Variants in MPPED1 observed in about 807,000 individuals in gnomAD.
MPPED1 encodes the protein metallophosphoesterase domain-containing protein 1.
MPPED1 carries 16 observed loss-of-function variants against 36.2 expected under a neutral mutation model. The observed-to-expected ratio is 0.44, with a 90% CI of 0.30 to 0.67. MPPED1 has a LOEUF of 0.67. Among genes scored for constraint, MPPED1 ranks in the 30% least tolerant of loss-of-function variants. The pLI, the probability that MPPED1 is intolerant of heterozygous loss-of-function variation, is 0.10. For missense variants in MPPED1, 307 were observed against 453.4 expected, an observed-to-expected ratio of 0.68 and a Z score of 2.93; for synonymous variants, 199 against 191.3, an observed-to-expected ratio of 1.04 and a Z score of -0.33.
At chr22:43,452,551 G>C (rs949197649) in intron 3 of MPPED1, among the ~76,000 whole-genome samples, 1 of 152,164 alleles carries the variant, frequency 6.6e-6, no homozygotes, top group Non-Finnish European at 1.5e-5. Flanking sequence ...ATAAACAGAG[G>C]GGGGAAGATG....
chr22:43,441,787 GA>G (rs1930157388), intron 3 of MPPED1, among the ~76,000 whole-genome samples: 1 of 152,208 alleles, frequency 6.6e-6, no homozygotes, highest in African/African-American at 2.4e-5. Flanking sequence ...GGGAAATGGA[GA>G]ATTTACGTCA....
intron 1 of MPPED1, chr22:43,418,488 G>T: frequency 4.0e-6 from 1 of 247,252 alleles, no homozygotes; most frequent in Non-Finnish European, 8.1e-6. Context: ...GTGAGCCAAG[G>T]CCTCTCTCTC....
At chr22:43,447,881 ATATTT>A (rs1297449987) in intron 3 of MPPED1, among the ~76,000 whole-genome samples, 2 of 34,566 alleles carry the variant, frequency 5.8e-5, no homozygotes, top group African/African-American at 1.6e-4. Context: ...ATATATATAT[ATATTT>A]TTTTTTTTTT....
At chr22:43,422,652 G>T (rs1030910542) in intron 1 of MPPED1, among the ~76,000 whole-genome samples, 5 of 152,142 alleles carry the variant, frequency 3.3e-5, no homozygotes, top group Admixed American at 6.5e-5. Context: ...TACCAAGGGT[G>T]TCCAGTACTC....
intron 1 of MPPED1, chr22:43,416,361 G>A (rs1929076064): frequency 6.6e-6 from 1 of 152,250 alleles, no homozygotes; most frequent in African/African-American, 2.4e-5. Context: ...AGACTTAAGT[G>A]TAGAATTGCC....
chr22:43,424,044 C>T (rs1033021548), intron 1 of MPPED1, among the ~76,000 whole-genome samples: 4 of 152,132 alleles, frequency 2.6e-5, no homozygotes, highest in Admixed American at 1.3e-4. Flanking sequence ...CTACACTGAC[C>T]CCAAGGTGGG....
chr22:43,504,349 A>G (rs79100674), intron 6 of MPPED1, among the ~76,000 whole-genome samples: 3,037 of 152,018 alleles, frequency 0.02, 66 homozygotes, highest in East Asian at 0.069. Context: ...GGCATCATCA[A>G]TGATGACAAT....
At chr22:43,483,542 G>A (rs1008978611) in intron 4 of MPPED1, among the ~76,000 whole-genome samples, 1 of 152,276 alleles carries the variant, frequency 6.6e-6, no homozygotes, top group African/African-American at 2.4e-5. Context: ...AGGCGGGCCC[G>A]GCACTCAGTG....
At chr22:43,424,676 G>T (rs1166412118) in intron 1 of MPPED1, among the ~76,000 whole-genome samples, 1 of 149,848 alleles carries the variant, frequency 6.7e-6, no homozygotes, top group Admixed American at 6.6e-5. Context: ...GCTGTGGGTT[G>T]TTTTTTTTTC....
intron 2 of MPPED1, among the ~76,000 whole-genome samples, chr22:43,433,550 G>C (rs1020703664): frequency 2.0e-5 from 3 of 150,474 alleles, no homozygotes; most frequent in Non-Finnish European, 4.5e-5. Context: ...GCGTAGACCA[G>C]CTCTGACTTG....
chr22:43,483,690 G>A (rs911653947), intron 4 of MPPED1, among the ~76,000 whole-genome samples: 2 of 152,230 alleles, frequency 1.3e-5, no homozygotes, highest in Admixed American at 6.5e-5. Flanking sequence ...CAGGCTCTTG[G>A]CCAGCAAGGT....
At chr22:43,458,126 G>A (rs553669410) in intron 3 of MPPED1, among the ~76,000 whole-genome samples, 60 of 152,208 alleles carry the variant, frequency 3.9e-4, no homozygotes, top group African/African-American at 1.4e-3. Context: ...CTAGGTTTGC[G>A]TAAGTACACT....
chr22:43,432,125 C>A (rs898331875), intron 2 of MPPED1, among the ~76,000 whole-genome samples: 1 of 152,164 alleles, frequency 6.6e-6, no homozygotes, highest in Non-Finnish European at 1.5e-5. Flanking sequence ...TGCTCCCTGT[C>A]TCTCCCATCT....
chr22:43,486,161 C>T (rs988429597), intron 4 of MPPED1, among the ~76,000 whole-genome samples: 1 of 131,792 alleles, frequency 7.6e-6, no homozygotes, highest in Non-Finnish European at 1.8e-5. Context: ...GGTCTCCATG[C>T]AGGCATGCCC....
At chr22:43,454,705 C>T (rs1335579525) in intron 3 of MPPED1, among the ~76,000 whole-genome samples, 1 of 151,998 alleles carries the variant, frequency 6.6e-6, no homozygotes, top group Non-Finnish European at 1.5e-5. Context: ...TGCACACCAC[C>T]ACACCTAGCT....
At chr22:43,485,671 C>T (rs983904726) in intron 4 of MPPED1, among the ~76,000 whole-genome samples, 7 of 152,210 alleles carry the variant, frequency 4.6e-5, no homozygotes, top group Admixed American at 6.5e-5. Flanking sequence ...CCTCAACACA[C>T]GTGTGCACAC....
chr22:43,420,394 C>T (rs1336350442), intron 1 of MPPED1, among the ~76,000 whole-genome samples: 10 of 151,746 alleles, frequency 6.6e-5, no homozygotes, highest in Admixed American at 4.6e-4. Context: ...GAGGTGATGC[C>T]GCTTCAGATA....
intron 4 of MPPED1, among the ~76,000 whole-genome samples, chr22:43,477,412 T>C (rs1196760704): frequency 6.6e-6 from 1 of 152,198 alleles, no homozygotes; most frequent in African/African-American, 2.4e-5. Context: ...GTGAGCAGAT[T>C]GCCTGCGTCT....
chr22:43,431,810 T>G (rs769004920), intron 2 of MPPED1, among the ~76,000 whole-genome samples: 2 of 152,242 alleles, frequency 1.3e-5, no homozygotes, highest in African/African-American at 4.8e-5. Context: ...AAGTTGAGCA[T>G]TTGTTGCAAT....
Sources: allele counts gnomAD v4.1 joint callset (sites outside exome capture counted in the v4.1 genomes callset), GRCh38; gene constraint gnomAD v4.1.1; transcripts MANE v1.5; gene names NCBI Gene and HGNC (gene_info 2026-07-23, HGNC 2026-07-21).